Variants in ABCA6 observed in about 807,000 individuals in gnomAD.
ABCA6 encodes the protein ATP binding cassette subfamily A member 6, also known as ATP-binding cassette sub-family A member 6.
Under a neutral mutation model 191.2 loss-of-function variants are expected in ABCA6, and 164 were observed. The ratio of observed to expected loss-of-function variants is 0.86; its 90% confidence interval spans 0.76 to 0.98. ABCA6 has a LOEUF of 0.98. ABCA6 is among the 50% of genes least tolerant of loss of function. ABCA6 has a pLI of 0.00. For missense variants in ABCA6, 1,958 were observed against 1,894.1 expected (o/e 1.03, Z -0.63); for synonymous variants, 636 against 647.7 (o/e 0.98, Z 0.27).
intron 1 of ABCA6, among the ~76,000 whole-genome samples, chr17:69,141,447 T>C (rs554657156): frequency 2.0e-5 from 3 of 152,150 alleles, no homozygotes; most frequent in Admixed American, 2.0e-4. Flanking sequence ...GATTTGCAAA[T>C]CAAGAAACAC....
At chr17:69,131,114 C>T (rs960696367) in intron 6 of ABCA6, among the ~76,000 whole-genome samples, 1 of 152,120 alleles carries the variant, frequency 6.6e-6, no homozygotes, top group Admixed American at 6.6e-5. Flanking sequence ...GGTTTATCCA[C>T]GGTCACAGAA....
chr17:69,105,397 C>A (rs1385507427), intron 20 of ABCA6, 65 bp downstream of exon 20: 1 of 1,432,446 alleles, frequency 7.0e-7, no homozygotes, highest in Non-Finnish European at 9.5e-7. Context: ...CCCCCCCCCA[C>A]CTCCTGTGCT....
intron 21 of ABCA6, among the ~76,000 whole-genome samples, chr17:69,102,171 C>G (rs1312535977): frequency 6.6e-6 from 1 of 152,088 alleles, no homozygotes; most frequent in Non-Finnish European, 1.5e-5. Flanking sequence ...CATGATGAAA[C>G]CCACTCTCTA....
At chr17:69,084,543 C>A in intron 32 of ABCA6, 36 bp from the exon 33 acceptor site, 1 of 1,607,400 alleles carries the variant, frequency 6.2e-7, no homozygotes, top group South Asian at 1.1e-5. Context: ...CTGGTCAAGA[C>A]AAGGTTTTTG....
At position 69,113,206 on chromosome 17, in the gene ABCA6, T is replaced by C. The variant is rs1268562726; in HGVS notation, c.2041+16A>G. 2 of 1,597,580 alleles carry C rather than the reference T, an allele frequency of 1.3e-6. No individual in the cohort carries two copies. The highest frequency in any genetic ancestry group is 2.3e-5 in the East Asian group (1 of 44,062). On this transcript the variant is annotated intron_variant, in intron 15 of 38. Transcript: ENST00000284425. ...CAATTGCATCATGGTAACACTGAGA[T>C]AAAACCAACAATTACCAGCCAGGAT...
At chr17:69,120,106 G>T (rs537823681) in intron 10 of ABCA6, among the ~76,000 whole-genome samples, 2 of 152,104 alleles carry the variant, frequency 1.3e-5, no homozygotes, top group African/African-American at 4.8e-5. Flanking sequence ...AGGGCTATAA[G>T]TGTATGGTGC....
At chr17:69,094,698 G>A (rs1158076451) in intron 25 of ABCA6, 2 of 158,374 alleles carry the variant, frequency 1.3e-5, no homozygotes, top group East Asian at 1.7e-4. Context: ...GGGATAAGTT[G>A]TGAGTATACG....
chr17:69,081,969 C>T (rs2072646345), intron 36 of ABCA6, among the ~76,000 whole-genome samples: 1 of 152,200 alleles, frequency 6.6e-6, no homozygotes, highest in Admixed American at 6.5e-5. Flanking sequence ...CCCTCATGCC[C>T]TATTCCCAGC....
At chr17:69,083,691 T>C (rs2072698346) in intron 34 of ABCA6, among the ~76,000 whole-genome samples, 1 of 152,180 alleles carries the variant, frequency 6.6e-6, no homozygotes, top group Non-Finnish European at 1.5e-5. Flanking sequence ...GAATAATGGA[T>C]TCATAAGCGA....
rs749737669 is a variant in ABCA6 at position 69,133,684 on chromosome 17, T to TA, written c.747dup (p.Lys250Ter). ...AGACCCATCATTTTCATCAAATTCTTAGACTTTTTTCTCTCTTTTGTTACA... is the reference window on the plus strand; with the variant it reads ...AGACCCATCATTTTCATCAAATTCTTAAGACTTTTTTCTCTCTTTTGTTACA... On this transcript the variant is annotated frameshift_variant, in exon 6 of 39. Coordinates refer to ENST00000284425, the MANE Select transcript of ABCA6 (RefSeq NM_080284.3). LOFTEE classifies it high-confidence loss of function. 1.2e-6 allele frequency: 2 copies of TA among 1,606,794 alleles called. No homozygotes were observed. The highest frequency in any genetic ancestry group is 1.7e-5 in the Admixed American group (1 of 59,678).
chr17:69,091,358 A>G (rs1054257433), intron 25 of ABCA6, 96 bp from the exon 26 acceptor site: 1 of 1,364,640 alleles, frequency 7.3e-7, no homozygotes, highest in African/African-American at 1.5e-5. Context: ...GATGTATATC[A>G]TAATGTTCCC....
intron 26 of ABCA6, 115 bp downstream of exon 26, chr17:69,091,028 T>C (rs1280243969): frequency 9.6e-7 from 1 of 1,047,048 alleles, no homozygotes. Context: ...AAATCTCTTA[T>C]GCCCATTTGC....
intron 2 of ABCA6, among the ~76,000 whole-genome samples, chr17:69,139,134 G>T (rs1204034467): frequency 1.3e-5 from 2 of 152,116 alleles, no homozygotes; most frequent in African/African-American, 4.8e-5. Flanking sequence ...CACAGCAAAA[G>T]AAACTACCAT....
chr17:69,114,589 A>G (rs2073500562), intron 13 of ABCA6, among the ~76,000 whole-genome samples, 173 bp downstream of exon 13: 1 of 152,136 alleles, frequency 6.6e-6, no homozygotes, highest in African/African-American at 2.4e-5. Context: ...ATCCAAAATG[A>G]TTCATATTAT....
At chr17:69,087,568 C>T in intron 28 of ABCA6, 95 bp from the exon 29 acceptor site, 2 of 1,495,532 alleles carry the variant, frequency 1.3e-6, no homozygotes, top group Non-Finnish European at 1.8e-6. Flanking sequence ...CTGTCCTCTT[C>T]TCTAATGTGC....
In ABCA6 at chr17:69,124,175, A is replaced by C. The variant is rs138992029; in HGVS notation, c.1267+713T>G. On this transcript the variant is annotated intron_variant, in intron 9 of 38. Coordinates refer to ENST00000284425, the MANE Select transcript of ABCA6 (RefSeq NM_080284.3). ...AATATATTTTTCCAGTTTAAAAAAC[A>C]AAGTTGAATTTATTATTAAGGGCCT... Among the ~76,000 whole-genome samples the C allele has an allele frequency of 7.6e-3, 1,151 of 152,160 alleles. 14 individuals are homozygous for C. Among genetic ancestry groups the C allele is most frequent in the African/African-American group, 0.026 (1,091 of 41,570 alleles).
At position 69,112,861 on chromosome 17, in the gene ABCA6, T is replaced by C. The variant is rs991325353; in HGVS notation, c.2041+361A>G. 2.0e-4 allele frequency: 30 copies of C among 153,050 alleles called. 1 individual carries two copies. Among genetic ancestry groups the C allele is most frequent in the Non-Finnish European group, 3.9e-4 (28 of 72,088 alleles). 9.5% of individuals were successfully genotyped at this position (153,050 alleles called of 1,614,324 possible). On this transcript the variant is annotated intron_variant, in intron 15 of 38. Coordinates refer to ENST00000284425, the MANE Select transcript of ABCA6 (RefSeq NM_080284.3). ...CATGAACACCAGTCTATCTGCACCT[T>C]CCAATACTTTCTGAAAAAAAAAACA...
At chr17:69,124,082 A>G (rs1229306089) in intron 9 of ABCA6, among the ~76,000 whole-genome samples, 2 of 152,076 alleles carry the variant, frequency 1.3e-5, no homozygotes, top group African/African-American at 2.4e-5. Context: ...AAATCTATAT[A>G]TTCCTGCTTA....
intron 2 of ABCA6, among the ~76,000 whole-genome samples, chr17:69,140,321 T>TG (rs1277374255): frequency 6.6e-6 from 1 of 152,106 alleles, no homozygotes; most frequent in African/African-American, 2.4e-5. Flanking sequence ...ACATTTTTTT[T>TG]GTACTTCTTG....
Sources: gnomAD v4.1 joint callset for allele counts (sites outside exome capture counted in the v4.1 genomes callset) on GRCh38, gnomAD v4.1.1 for gene constraint, MANE v1.5 for transcripts, NCBI Gene and HGNC (gene_info 2026-07-23, HGNC 2026-07-21) for gene names.